DLG2: variants seen among roughly 807,000 people sequenced by gnomAD.
The protein encoded by DLG2 is disks large homolog 2.
A neutral mutation model predicts 132.5 loss-of-function variants in DLG2; 45 were observed. The observed-to-expected ratio is 0.34, with a 90% CI of 0.27 to 0.44. The LOEUF (loss-of-function observed/expected upper bound fraction) is 0.44. Ranked by LOEUF, DLG2 falls within the 20% of genes least tolerant of loss-of-function variation. DLG2 has a pLI of 1.00. For missense variants in DLG2, 1,045 were observed against 1,196.9 expected (o/e 0.87, Z 1.87); for synonymous variants, 424 against 419.6 (o/e 1.01, Z -0.13).
chr11:85,135,597 A>G (rs963690337), intron 5 of DLG2, among the ~76,000 whole-genome samples: 5 of 152,220 alleles, frequency 3.3e-5, no homozygotes, highest in Non-Finnish European at 7.3e-5. Context: ...AATAAAACAC[A>G]GCTTGTCTAG....
rs184449083 is a variant in DLG2 at position 84,224,620 on chromosome 11, C to T, written c.573+26618G>A. Among the ~76,000 whole-genome samples, 162 of 152,082 alleles carry T rather than the reference C, an allele frequency of 1.1e-3. 4 individuals carry two copies. In the East Asian group the frequency reaches 0.016, roughly 15 times the overall value. ...CCTATGTGATAGATATTATTATTAC[C>T]CCCAACTCACAGAAAAAGAAACTAA... On this transcript the variant is annotated intron_variant, in intron 8 of 27. Transcript: ENST00000376104.
intron 22 of DLG2, among the ~76,000 whole-genome samples, chr11:83,479,999 AC>A (rs2092969204): frequency 2.0e-5 from 3 of 152,082 alleles, no homozygotes; most frequent in Admixed American, 2.0e-4. Context: ...AAGAAGGAAA[AC>A]AATACCATGA....
At chr11:84,680,496 A>G (rs942962749) in intron 6 of DLG2, among the ~76,000 whole-genome samples, 1 of 152,158 alleles carries the variant, frequency 6.6e-6, no homozygotes, top group African/African-American at 2.4e-5. Flanking sequence ...ATACTATTCT[A>G]TTATTCAAAC....
intron 6 of DLG2, among the ~76,000 whole-genome samples, chr11:84,918,294 G>C (rs770070960): frequency 5.3e-5 from 8 of 152,118 alleles, no homozygotes; most frequent in Non-Finnish European, 7.4e-5. Context: ...TGCAAGTTAT[G>C]ATATAAGGCA....
At chr11:85,170,450 T>C (rs1056082282) in intron 4 of DLG2, among the ~76,000 whole-genome samples, 14 of 152,108 alleles carry the variant, frequency 9.2e-5, no homozygotes, top group Non-Finnish European at 1.8e-4. Context: ...GGGAGAGTAA[T>C]TCTGCTTTCT....
Position 84,122,414 on chromosome 11 carries a change from C to T in DLG2, c.625-23367G>A, listed in dbSNP as rs2093970870. Among the ~76,000 whole-genome samples, 3 of 152,206 alleles carry T rather than the reference C, an allele frequency of 2.0e-5. No individual in the cohort carries two copies. The South Asian group carries it at 6.2e-4, about 32-fold the overall frequency. ...CCTGGGGAGAGGACATGTCAATGTC[C>T]CATTAAGTTGGAGACTGATTAGTCA... On this transcript the variant is annotated intron_variant, in intron 9 of 27. Transcript: ENST00000376104.
chr11:85,019,840 GC>G (rs1378813693), intron 6 of DLG2, among the ~76,000 whole-genome samples: 1 of 152,178 alleles, frequency 6.6e-6, no homozygotes, highest in Non-Finnish European at 1.5e-5. Context: ...GTGTATATGT[GC>G]CACATTGTCT....
At chr11:85,449,947 G>A (rs1193435417) in intron 3 of DLG2, among the ~76,000 whole-genome samples, 6 of 152,078 alleles carry the variant, frequency 3.9e-5, no homozygotes, top group African/African-American at 1.4e-4. Flanking sequence ...GACCAACATG[G>A]AGAAATCCTG....
intron 6 of DLG2, among the ~76,000 whole-genome samples, chr11:84,641,880 A>G (rs1367308462): frequency 6.6e-6 from 1 of 151,656 alleles, no homozygotes; most frequent in East Asian, 2.0e-4. Flanking sequence ...AAAAATGTCC[A>G]TTTTTGTCAA....
At chr11:84,506,592 A>T (rs2099242065) in intron 7 of DLG2, among the ~76,000 whole-genome samples, 1 of 152,208 alleles carries the variant, frequency 6.6e-6, no homozygotes, top group Non-Finnish European at 1.5e-5. Context: ...TTCAGAACAT[A>T]GCCCTTCAGA....
At chr11:83,575,254 A>G (rs1258834653) in intron 19 of DLG2, among the ~76,000 whole-genome samples, 2 of 152,158 alleles carry the variant, frequency 1.3e-5, no homozygotes, top group Non-Finnish European at 2.9e-5. Flanking sequence ...ACATCAGACA[A>G]TGAAGGACAA....
intron 3 of DLG2, among the ~76,000 whole-genome samples, chr11:85,290,511 C>T (rs1420067252): frequency 6.6e-6 from 1 of 151,544 alleles, no homozygotes; most frequent in Non-Finnish European, 1.5e-5. Flanking sequence ...TCACTGCAAT[C>T]CTCTTGCAGT....
intron 3 of DLG2, among the ~76,000 whole-genome samples, chr11:85,454,328 C>T (rs932632963): frequency 2.0e-5 from 3 of 151,758 alleles, no homozygotes; most frequent in African/African-American, 7.3e-5. Flanking sequence ...TTGTTGACCA[C>T]ATGTATGTCT....
rs1032233432 is a variant in DLG2 at position 83,732,392 on chromosome 11, C to T, written c.1825+54298G>A. Reference sequence around the variant, plus strand: ...TCTCTCATGTTGGGGAGCTTAATACCTACCAAGGTAGCTATTATGCTTAGA... The same window carrying T: ...TCTCTCATGTTGGGGAGCTTAATACTTACCAAGGTAGCTATTATGCTTAGA... On this transcript the variant is annotated intron_variant, in intron 18 of 27. Transcript: ENST00000376104. Among the ~76,000 whole-genome samples the T allele has an allele frequency of 5.3e-5, 8 of 152,200 alleles. 1 individual carries two copies. Among genetic ancestry groups the T allele is most frequent in the African/African-American group, 4.8e-5 (2 of 41,532 alleles).
intron 3 of DLG2, among the ~76,000 whole-genome samples, chr11:85,516,406 C>T (rs535531515): frequency 6.6e-6 from 1 of 151,810 alleles, no homozygotes; most frequent in East Asian, 1.9e-4. Flanking sequence ...TAAGAGGGAA[C>T]CAAAACTGCA....
intron 6 of DLG2, among the ~76,000 whole-genome samples, chr11:85,018,822 T>G (rs2059790734): frequency 6.6e-6 from 1 of 151,776 alleles, no homozygotes; most frequent in South Asian, 2.1e-4. Context: ...ATTCCTGGCT[T>G]AATAAGGACT....
chr11:84,070,877 G>T (rs1458208908), intron 10 of DLG2, among the ~76,000 whole-genome samples: 6 of 152,226 alleles, frequency 3.9e-5, no homozygotes, highest in Admixed American at 3.9e-4. Flanking sequence ...TTACTTGGAA[G>T]TTGACAGTAC....
chr11:84,599,057 C>G (rs1396692708), intron 6 of DLG2, among the ~76,000 whole-genome samples: 1 of 151,986 alleles, frequency 6.6e-6, no homozygotes, highest in African/African-American at 2.4e-5. Context: ...CCAGCCTGGA[C>G]AACATGGTGA....
chr11:83,782,858 A>G (rs1174829181), intron 18 of DLG2, among the ~76,000 whole-genome samples: 1 of 152,138 alleles, frequency 6.6e-6, no homozygotes, highest in Non-Finnish European at 1.5e-5. Flanking sequence ...GGGAAGGGTA[A>G]GGAAAGGGAA....
Sources: gnomAD v4.1 joint callset for allele counts (sites outside exome capture counted in the v4.1 genomes callset) on GRCh38, gnomAD v4.1.1 for gene constraint, MANE v1.5 for transcripts, NCBI Gene and HGNC (gene_info 2026-07-23, HGNC 2026-07-21) for gene names.